The following PARP8 variants were observed in gnomAD, a reference collection of about 807,000 sequenced individuals.
PARP8 encodes protein mono-ADP-ribosyltransferase PARP8.
A neutral mutation model predicts 124.1 loss-of-function variants in PARP8; 51 were observed. The ratio of observed to expected loss-of-function variants is 0.41; its 90% CI spans 0.33 to 0.52. The LOEUF is 0.52. Ranked by LOEUF, PARP8 falls within the 20% of genes least tolerant of loss-of-function variation. PARP8 has a pLI of 0.21. For missense variants in PARP8, 860 were observed against 1,018.9 expected (o/e 0.84, Z 2.12); for synonymous variants, 391 against 361.5 (o/e 1.08, Z -0.93).
Position 50,796,966 on chromosome 5 carries a change from A to G in PARP8, c.1429-16A>G. 1 of 1,597,264 alleles carries G rather than the reference A, an allele frequency of 6.3e-7. No individual in the cohort carries two copies. The highest frequency in any genetic ancestry group is 8.5e-7 in the Non-Finnish European group (1 of 1,172,936). On this transcript the variant is annotated splice_polypyrimidine_tract_variant and intron_variant, in intron 12 of 25. Transcript: ENST00000281631. ...TTTAAAAAAATTATCATTTTTTTTT[A>G]CTTTGCTTTTTATAGCCAAATGGTG... is the stretch of plus-strand genomic sequence containing the variant.
rs922593603 is a variant in PARP8, at chr5:50,760,322, G to C, written c.305G>C (p.Cys102Ser). Reference protein sequence around the residue: ...ELRKTNDINCCLSIKSKLQKE... With the variant: ...ELRKTNDINCSLSIKSKLQKE... ...AGAAAAACAAATGACATTAACTGTT[G>C]CTTATCCATAAAATCCAAATTACAA... is the stretch of plus-strand genomic sequence containing the variant. Residue 102 changes from cysteine (C) to serine (S), a missense_variant, in exon 5 of 26, where the codon TGC becomes TCC. Cys to Ser is a moderately radical substitution (Grantham distance 112, BLOSUM62 -1). Transcript: ENST00000281631. 2 of 1,532,532 alleles carry C rather than the reference G, an allele frequency of 1.3e-6. No individual in the cohort carries two copies. The highest frequency in any genetic ancestry group is 3.8e-5 in the Admixed American group (2 of 53,260). 94.9% of individuals were successfully genotyped at this position (1,532,532 alleles called of 1,614,324 possible). A position where few individuals can be genotyped will look rare whatever the true frequency, so the allele number is the denominator to read the frequency against.
chr5:50,698,218 A>T lies in PARP8; in HGVS notation c.146+30093A>T, dbSNP rs139854964. Among the ~76,000 whole-genome samples the T allele has an allele frequency of 1.9e-3, 288 of 152,354 alleles. 2 individuals are homozygous for T. Among genetic ancestry groups the T allele is most frequent in the African/African-American group, 6.3e-3 (261 of 41,590 alleles). On this transcript the variant is annotated intron_variant, in intron 2 of 25. Coordinates refer to ENST00000281631, the MANE Select transcript of PARP8 (RefSeq NM_024615.4). ...GGCTTCACAATTAAATTGGAGGTTT[A>T]GATAAGAAAACCTCAGAGAACAAAA...
In PARP8 at chr5:50,667,563, G is replaced by A. The variant is rs568746015; in HGVS notation, c.91+377G>A. On this transcript the variant is annotated intron_variant, in intron 1 of 25. Transcript: ENST00000281631. ...TGGTTTGCGCAATGGGCTGAGCGGCGGCGGCCGGGAATGGAGCCTGCTGCG... is the reference window on the plus strand; with the variant it reads ...TGGTTTGCGCAATGGGCTGAGCGGCAGCGGCCGGGAATGGAGCCTGCTGCG... 1.5e-4 allele frequency: 105 copies of A among 700,024 alleles called. No individual in the cohort carries two copies. In the African/African-American group the frequency reaches 1.7e-3, roughly 11 times the overall value. The allele number at this position is 700,024 out of a possible 1,614,324, so 43.4% of individuals were successfully genotyped here.
intron 3 of PARP8, among the ~76,000 whole-genome samples, chr5:50,757,949 T>C (rs1760143144): frequency 6.6e-6 from 1 of 152,058 alleles, no homozygotes; most frequent in African/African-American, 2.4e-5. Flanking sequence ...CTAATACTCT[T>C]TTTCTCCTAA....
intron 12 of PARP8, among the ~76,000 whole-genome samples, chr5:50,796,284 G>T (rs535770400): frequency 6.6e-6 from 1 of 152,162 alleles, no homozygotes; most frequent in African/African-American, 2.4e-5. Flanking sequence ...GATGTTTCAG[G>T]AAAGTAATGT....
chr5:50,775,057 G>A (rs1412219675), intron 7 of PARP8, among the ~76,000 whole-genome samples: 3 of 149,226 alleles, frequency 2.0e-5, no homozygotes, highest in African/African-American at 2.5e-5. Context: ...GGGCAGAGGC[G>A]CTCCTCACTT....
chr5:50,705,828 A>G (rs943103703), intron 2 of PARP8, among the ~76,000 whole-genome samples: 2 of 151,836 alleles, frequency 1.3e-5, no homozygotes, highest in African/African-American at 4.8e-5. Context: ...CTTGACTTTC[A>G]TCATAAACTA....
intron 25 of PARP8, among the ~76,000 whole-genome samples, chr5:50,836,230 G>A (rs1437652228): frequency 2.0e-5 from 3 of 152,126 alleles, no homozygotes; most frequent in Non-Finnish European, 4.4e-5. Flanking sequence ...GAAGGAGCCC[G>A]CTTTTGATCA....
rs560362591 is a variant in PARP8 at position 50,673,805 on chromosome 5, C to T, written c.146+5680C>T. Among the ~76,000 whole-genome samples the T allele has an allele frequency of 2.0e-4, 31 of 152,286 alleles. No individual in the cohort carries two copies. In the South Asian group the frequency reaches 5.8e-3, roughly 29 times the overall value. On this transcript the variant is annotated intron_variant, in intron 2 of 25. Transcript: ENST00000281631. Reference sequence around the variant, plus strand: ...GTTGGCTGTGGAATCCTTATGCAAACATTTGGCAAATCCATGTAAATTTCC... The same window carrying T: ...GTTGGCTGTGGAATCCTTATGCAAATATTTGGCAAATCCATGTAAATTTCC...
intron 15 of PARP8, among the ~76,000 whole-genome samples, chr5:50,820,290 C>A (rs1465909027): frequency 6.6e-6 from 1 of 152,136 alleles, no homozygotes; most frequent in East Asian, 1.9e-4. Context: ...TAAAGACTTT[C>A]TAGAAATAGC....
rs184021979 is a variant in PARP8 at position 50,696,371 on chromosome 5, C to T, written c.146+28246C>T. On this transcript the variant is annotated intron_variant, in intron 2 of 25. Coordinates refer to ENST00000281631, the MANE Select transcript of PARP8 (RefSeq NM_024615.4). ...TCCCAAGTTTTGAATTAAATTTGGC[C>T]ACCCAAGGTACCATAGTTTATTGTG... Among the ~76,000 whole-genome samples the T allele has an allele frequency of 3.1e-4, 47 of 152,208 alleles. No homozygotes were observed. In the East Asian group the frequency reaches 8.9e-3, roughly 29 times the overall value.
intron 2 of PARP8, among the ~76,000 whole-genome samples, chr5:50,670,564 C>T (rs1328910564): frequency 6.6e-6 from 1 of 152,206 alleles, no homozygotes; most frequent in Non-Finnish European, 1.5e-5. Flanking sequence ...GGCAAGTGGC[C>T]TAATAAATTG....
intron 2 of PARP8, among the ~76,000 whole-genome samples, chr5:50,710,133 T>C (rs919989357): frequency 1.3e-5 from 2 of 151,828 alleles, no homozygotes; most frequent in African/African-American, 2.4e-5. Context: ...TTTCTGGGGC[T>C]AATTATTGTG....
At chr5:50,755,645 G>T (rs1759852821) in intron 3 of PARP8, among the ~76,000 whole-genome samples, 1 of 152,142 alleles carries the variant, frequency 6.6e-6, no homozygotes, top group South Asian at 2.1e-4. Flanking sequence ...TTTTGCTTCG[G>T]ATTGACTTGG....
chr5:50,747,050 G>T (rs1455036154), intron 2 of PARP8, among the ~76,000 whole-genome samples: 2 of 150,612 alleles, frequency 1.3e-5, no homozygotes, highest in African/African-American at 2.4e-5. Flanking sequence ...TTTTTAAATG[G>T]AAAAAATTTG....
chr5:50,793,515 A>G (rs2149645817), intron 10 of PARP8, among the ~76,000 whole-genome samples: 1 of 152,296 alleles, frequency 6.6e-6, no homozygotes, highest in Admixed American at 6.5e-5. Context: ...CATAGAAAAT[A>G]TCGACATTAG....
chr5:50,767,917 T>C (rs1761212903), intron 7 of PARP8, among the ~76,000 whole-genome samples: 1 of 152,188 alleles, frequency 6.6e-6, no homozygotes, highest in South Asian at 2.1e-4. Flanking sequence ...ACCATCCAGT[T>C]GTTGAAAGAA....
chr5:50,762,499 T>C (rs1016882853), intron 6 of PARP8, among the ~76,000 whole-genome samples: 25 of 152,298 alleles, frequency 1.6e-4, no homozygotes, highest in Non-Finnish European at 3.7e-4. Context: ...CTGTATAATA[T>C]GTGGTTCTGT....
intron 2 of PARP8, among the ~76,000 whole-genome samples, chr5:50,724,032 G>A (rs557141318): frequency 6.6e-6 from 1 of 152,116 alleles, no homozygotes; most frequent in African/African-American, 2.4e-5. Context: ...GCATTCCCCA[G>A]GCTTGCCTCA....
Sources: allele counts gnomAD v4.1 joint callset (sites outside exome capture counted in the v4.1 genomes callset), GRCh38; gene constraint gnomAD v4.1.1; transcripts MANE v1.5; gene names NCBI Gene and HGNC (gene_info 2026-07-23, HGNC 2026-07-21).